Variants in ACTA2 observed in about 807,000 individuals in gnomAD.
ACTA2 encodes actin, aortic smooth muscle.
ACTA2 carries 12 observed loss-of-function variants against 39.5 expected under a neutral mutation model. That is an observed-to-expected ratio of 0.30 (90% CI 0.19 to 0.49). The LOEUF (loss-of-function observed/expected upper bound fraction) is 0.49, where lower values mean the gene tolerates loss of function less well. ACTA2 is among the 20% of genes least tolerant of loss of function. ACTA2 has a pLI of 0.99. For synonymous variants in ACTA2, 158 were observed against 180.6 expected (o/e 0.88, Z 1.00); for missense variants, 236 against 498.8 (o/e 0.47, Z 5.02).
intron 1 of ACTA2, among the ~76,000 whole-genome samples, chr10:88,977,479 T>C (rs978163361): frequency 8.5e-5 from 13 of 152,108 alleles, no homozygotes; most frequent in Non-Finnish European, 1.6e-4. Context: ...GTTGTAGATA[T>C]GCGGCGTTCA....
upstream of ACTA2, among the ~76,000 whole-genome samples, chr10:88,954,547 G>A (rs540353924): frequency 1.1e-4 from 17 of 152,220 alleles, no homozygotes; most frequent in South Asian, 1.2e-3. Flanking sequence ...TTTGACTCAC[G>A]CAGTGTCTGT....
At chr10:88,986,195 T>C (rs1012776907) in intron 1 of ACTA2, among the ~76,000 whole-genome samples, 1 of 152,200 alleles carries the variant, frequency 6.6e-6, no homozygotes, top group Admixed American at 6.5e-5. Flanking sequence ...TGAAATTTTA[T>C]CTGCCCCCAA....
chr10:88,981,554 G>T (rs1275340578), intron 1 of ACTA2, among the ~76,000 whole-genome samples: 1 of 152,130 alleles, frequency 6.6e-6, no homozygotes, highest in Non-Finnish European at 1.5e-5. Context: ...TAGGACAGAG[G>T]AAGAACCAAG....
chr10:88,957,219 A>G (rs114480711), upstream of ACTA2, among the ~76,000 whole-genome samples: 431 of 152,272 alleles, frequency 2.8e-3, 4 homozygotes, highest in African/African-American at 0.01. Flanking sequence ...TGCTTTTCAG[A>G]ATGTCTAGAT....
intron 4 of ACTA2, among the ~76,000 whole-genome samples, chr10:88,942,349 A>C (rs761188652): frequency 1.2e-4 from 19 of 152,350 alleles, no homozygotes; most frequent in Non-Finnish European, 2.4e-4. Context: ...TGGTATAAAG[A>C]AAGAGAACTT....
At chr10:88,958,253 T>C (rs901711054) in intron 1 of ACTA2, among the ~76,000 whole-genome samples, 7 of 152,230 alleles carry the variant, frequency 4.6e-5, no homozygotes, top group African/African-American at 1.7e-4. Flanking sequence ...TTGATTGAAC[T>C]GAACTGAATA....
At chr10:88,958,303 G>A (rs1439126424) in intron 1 of ACTA2, among the ~76,000 whole-genome samples, 4 of 152,156 alleles carry the variant, frequency 2.6e-5, no homozygotes, top group Non-Finnish European at 5.9e-5. Context: ...AGGATATTCT[G>A]AAGTGAGGGC....
intron 1 of ACTA2, among the ~76,000 whole-genome samples, chr10:88,981,483 T>G (rs1846710226): frequency 6.6e-6 from 1 of 152,082 alleles, no homozygotes; most frequent in Non-Finnish European, 1.5e-5. Context: ...GTAAATTTCA[T>G]TTTGGGTGAG....
chr10:88,990,648 T>G lies in ACTA2; in HGVS notation c.-24+291A>C. 1.4e-6 allele frequency: 1 copy of G among 697,076 alleles called. No homozygotes were observed. The highest frequency in any genetic ancestry group is 2.6e-6 in the Non-Finnish European group (1 of 383,262). 43.2% of individuals were successfully genotyped at this position (697,076 alleles called of 1,614,324 possible). ...CCGGGGCTTTTCGTGAGCTCGTCTC[T>G]GATCTCGCGCAAGAGTGACACACAG... On this transcript the variant is annotated intron_variant, in intron 1 of 4. Transcript: ENST00000415557. The surrounding 1 kb of genome is among the most constrained non-coding windows in gnomAD (Gnocchi z 4.9).
intron 1 of ACTA2, among the ~76,000 whole-genome samples, chr10:88,957,860 C>G (rs187837432): frequency 6.6e-6 from 1 of 152,086 alleles, no homozygotes; most frequent in Non-Finnish European, 1.5e-5. Context: ...AACCGCCTAC[C>G]GGGTTCAAGT....
In ACTA2 at chr10:88,938,159, T is replaced by C. The variant is rs772866867; in HGVS notation, c.892A>G (p.Asn298Asp). ...GTGGTGCCCCCTGATAGGACATTGT[T>C]AGCATAGAGGTCCTTCCTGATGTCA... Reference protein sequence around the residue: ...DIDIRKDLYANNVLSGGTTMY... With the variant: ...DIDIRKDLYADNVLSGGTTMY... The change falls in exon 8 of 9, where the codon AAC becomes GAC. Residue 298 changes from asparagine (N) to aspartate (D), a missense_variant. Physicochemically the swap from Asn to Asp is conservative, Grantham distance 23. Coordinates refer to ENST00000224784, the MANE Select transcript of ACTA2 (RefSeq NM_001613.4). 1 of 1,614,066 alleles carries C rather than the reference T, an allele frequency of 6.2e-7. No individual in the cohort carries two copies. The highest frequency in any genetic ancestry group is 8.5e-7 in the Non-Finnish European group (1 of 1,179,940).
intron 1 of ACTA2, among the ~76,000 whole-genome samples, chr10:88,958,570 G>A (rs190166856): frequency 6.6e-6 from 1 of 152,254 alleles, no homozygotes; most frequent in East Asian, 1.9e-4. Flanking sequence ...GTGGGTAGTG[G>A]CCTGTATGTC....
chr10:88,955,837 G>A (rs1253334948), upstream of ACTA2, among the ~76,000 whole-genome samples: 1 of 152,146 alleles, frequency 6.6e-6, no homozygotes, highest in African/African-American at 2.4e-5. Flanking sequence ...ATCAATACAC[G>A]GGGGTTATGA....
rs1564653478 is a variant in ACTA2, at chr10:88,962,943, AT to A, written c.-23-13991del. Among the ~76,000 whole-genome samples, 13 of 13,216 alleles carry A rather than the reference AT, an allele frequency of 9.8e-4. 1 individual carries two copies. Among genetic ancestry groups the A allele is most frequent in the African/African-American group, 7.7e-3 (10 of 1,296 alleles). The allele number at this position is 13,216 out of a possible 152,430, so 8.7% of individuals were successfully genotyped here. On this transcript the variant is annotated intron_variant, in intron 1 of 4. Transcript: ENST00000415557. ...TATATATATATATATATATATATATATATATATATATATATATATATATATA... is the reference window on the plus strand; with the variant it reads ...TATATATATATATATATATATATATAATATATATATATATATATATATATA...
intron 1 of ACTA2, among the ~76,000 whole-genome samples, chr10:88,969,202 T>C (rs905445273): frequency 1.3e-5 from 2 of 152,180 alleles, no homozygotes; most frequent in Admixed American, 6.5e-5. Flanking sequence ...TTGGAACACA[T>C]TGTTATTCCC....
At chr10:88,977,782 C>T (rs1392000221) in intron 1 of ACTA2, among the ~76,000 whole-genome samples, 2 of 119,910 alleles carry the variant, frequency 1.7e-5, no homozygotes, top group Admixed American at 8.9e-5. Flanking sequence ...GAAATAGGAA[C>T]ACTTTTACAC....
chr10:88,945,389 A>G (rs1407921953), intron 3 of ACTA2, among the ~76,000 whole-genome samples: 1 of 152,164 alleles, frequency 6.6e-6, no homozygotes, highest in East Asian at 1.9e-4. Flanking sequence ...AACATTATGT[A>G]TTTTTCTTTT....
intron 8 of ACTA2, among the ~76,000 whole-genome samples, chr10:88,936,887 T>C (rs1439361142): frequency 6.6e-6 from 1 of 152,214 alleles, no homozygotes; most frequent in Non-Finnish European, 1.5e-5. Context: ...TGGTTCTCTA[T>C]ACTATCTCAT....
At chr10:88,955,036 AG>A (rs1162095783), upstream of ACTA2, among the ~76,000 whole-genome samples, 30 of 143,350 alleles carry the variant, frequency 2.1e-4, no homozygotes, top group African/African-American at 7.4e-4. Flanking sequence ...AAAAAAAAGA[AG>A]AAGAAGGAAA....
Sources: gnomAD v4.1 joint callset for allele counts (sites outside exome capture counted in the v4.1 genomes callset) on GRCh38, gnomAD v4.1.1 for gene constraint, Gnocchi (gnomAD v3.1) non-coding constraint, MANE v1.5 for transcripts, NCBI Gene and HGNC (gene_info 2026-07-23, HGNC 2026-07-21) for gene names.